NUP210L: variants seen among roughly 807,000 people sequenced by gnomAD.
NUP210L encodes nucleoporin 210 like.
A neutral mutation model predicts 208.5 loss-of-function variants in NUP210L; 74 were observed. The ratio of observed to expected loss-of-function variants is 0.35; its 90% confidence interval spans 0.29 to 0.43. NUP210L has a LOEUF of 0.43. Ranked by LOEUF, NUP210L falls within the 20% of genes least tolerant of loss-of-function variation. The pLI is 1.00. For synonymous variants in NUP210L, 780 were observed against 816.9 expected, an observed-to-expected ratio of 0.95 and a Z score of 0.77; for missense variants, 1,843 against 2,289.4, an observed-to-expected ratio of 0.81 and a Z score of 3.98.
At chr1:154,082,025 G>A (rs1385160047) in intron 16 of NUP210L, among the ~76,000 whole-genome samples, 1 of 152,184 alleles carries the variant, frequency 6.6e-6, no homozygotes, top group East Asian at 1.9e-4. Context: ...GGAATTTCCT[G>A]TTTGGTAAAC....
At chr1:154,061,378 AAATAAT>A (rs537711266) in intron 18 of NUP210L, among the ~76,000 whole-genome samples, 67 of 150,140 alleles carry the variant, frequency 4.5e-4, no homozygotes, top group African/African-American at 1.3e-3. Flanking sequence ...ACTTCATCTC[AAATAAT>A]AATAATAATA....
chr1:154,135,683 A>C, intron 7 of NUP210L, 131 bp downstream of exon 7: 3 of 716,400 alleles, frequency 4.2e-6, no homozygotes, highest in Non-Finnish European at 4.8e-6. Context: ...GGCCTCCCAA[A>C]GTGCTGGAAT....
Position 154,046,054 on chromosome 1 carries a change from C to CAG in NUP210L, c.3696+13_3696+14dup. ...AAGATCCCTAAGATAACACAATAAA[C>CAG]AGGCAAATTCTTACCTCTGAATGCC... On this transcript the variant is annotated intron_variant, in intron 27 of 39. Transcript: ENST00000368559. The CAG allele has an allele frequency of 1.2e-6, 2 of 1,607,732 alleles. No homozygotes were observed. The highest frequency in any genetic ancestry group is 4.5e-5 in the East Asian group (2 of 44,828).
chr1:154,018,461 T>G (rs1039919958), intron 33 of NUP210L, among the ~76,000 whole-genome samples: 12 of 152,156 alleles, frequency 7.9e-5, no homozygotes, highest in African/African-American at 2.9e-4. Flanking sequence ...TCTTCCCCAT[T>G]TCAGTTGACG....
In NUP210L at chr1:154,149,239, C is replaced by T. The variant is rs889923786; in HGVS notation, c.340+3497G>A. ...TAGCTGGAATTACAGGTGCCCATCA[C>T]CACGCCCAGCTAATTTTTGTATTTT... On this transcript the variant is annotated intron_variant, in intron 2 of 39. Coordinates refer to ENST00000368559, the Ensembl canonical transcript of NUP210L. 3.9e-5 allele frequency among the ~76,000 whole-genome samples: 6 copies of T among 152,186 alleles called. No individual in the cohort carries two copies. In the East Asian group the frequency reaches 9.7e-4, roughly 24 times the overall value.
At chr1:154,136,336 C>T (rs1312003728) in intron 6 of NUP210L, among the ~76,000 whole-genome samples, 1 of 152,050 alleles carries the variant, frequency 6.6e-6, no homozygotes, top group African/African-American at 2.4e-5. Context: ...CCTGTAATCC[C>T]AGCTACTCGG....
At chr1:154,024,922 GT>G (rs71096508) in intron 30 of NUP210L, among the ~76,000 whole-genome samples, 42,081 of 84,100 alleles carry the variant, frequency 0.5, 8,965 homozygotes, top group East Asian at 0.73. Context: ...AGGCTGATCT[GT>G]TTTTTTTTTT....
chr1:154,014,016 C>T (rs760527576), intron 33 of NUP210L, among the ~76,000 whole-genome samples: 19 of 152,218 alleles, frequency 1.2e-4, no homozygotes, highest in East Asian at 7.7e-4. Context: ...CCACTGACCT[C>T]GGCCTCTAAA....
Position 154,141,582 on chromosome 1 carries a change from A to T in NUP210L, c.473-58T>A, listed in dbSNP as rs558929981. 80 of 1,036,486 alleles carry T rather than the reference A, an allele frequency of 7.7e-5. No homozygotes were observed. In the South Asian group the frequency reaches 1.0e-3, roughly 13 times the overall value. The allele number at this position is 1,036,486 out of a possible 1,614,324, so 64.2% of individuals were successfully genotyped here. On this transcript the variant is annotated intron_variant, in intron 3 of 39. Transcript: ENST00000368559. Reference sequence around the variant, plus strand: ...ATCACGTATTTAAAAATATTCAGGTATTTACAACAAGAAAGGGAAACCTAA... The same window carrying T: ...ATCACGTATTTAAAAATATTCAGGTTTTTACAACAAGAAAGGGAAACCTAA...
intron 9 of NUP210L, among the ~76,000 whole-genome samples, chr1:154,126,783 A>G (rs1422699237): frequency 2.0e-5 from 3 of 152,114 alleles, no homozygotes; most frequent in East Asian, 3.8e-4. Flanking sequence ...TGAGTACAAT[A>G]CTTCACATCT....
intron 35 of NUP210L, among the ~76,000 whole-genome samples, chr1:154,004,068 G>GT (rs145961082): frequency 0.014 from 1,998 of 141,514 alleles, 68 homozygotes; most frequent in East Asian, 0.036. Flanking sequence ...ATCCTTGCCT[G>GT]TTTTTTGTTT....
chr1:154,152,882 C>G lies in NUP210L; in HGVS notation c.204-10G>C. ...ATGATGGGTGGAATGCCTGCCAGAA[C>G]AAAATTCTTAAGAGTGTGAAATAGG... is the stretch of plus-strand genomic sequence containing the variant. On this transcript the variant is annotated splice_polypyrimidine_tract_variant and intron_variant, in intron 1 of 39. Transcript: ENST00000368559. The G allele has an allele frequency of 6.2e-7, 1 of 1,613,496 alleles. No homozygotes were observed. Among genetic ancestry groups the G allele is most frequent in the Non-Finnish European group, 8.5e-7 (1 of 1,179,560 alleles).
At chr1:154,141,353 G>A in intron 4 of NUP210L, 78 bp downstream of exon 4, 1 of 867,236 alleles carries the variant, frequency 1.2e-6, no homozygotes, top group Non-Finnish European at 2.0e-6. Flanking sequence ...CCACACAAAT[G>A]GTTGCTTGTT....
intron 23 of NUP210L, among the ~76,000 whole-genome samples, chr1:154,055,145 TTCTTTCTTTC>T (rs1252489727): frequency 9.6e-6 from 1 of 104,464 alleles, no homozygotes; most frequent in Non-Finnish European, 1.8e-5. Flanking sequence ...CTTTCTTTCT[TTCTTTCTTTC>T]TTTCTTTCTT....
At chr1:154,047,860 C>G (rs760736551) in intron 25 of NUP210L, among the ~76,000 whole-genome samples, 1 of 152,036 alleles carries the variant, frequency 6.6e-6, no homozygotes, top group African/African-American at 2.4e-5. Context: ...GTAAGTGGTG[C>G]CCATACGTGG....
At chr1:154,078,711 C>T (rs538474523) in intron 16 of NUP210L, among the ~76,000 whole-genome samples, 7 of 152,004 alleles carry the variant, frequency 4.6e-5, no homozygotes, top group East Asian at 1.9e-4. Flanking sequence ...GGGTTTATAT[C>T]GGAGCAAAGG....
chr1:154,066,769 A>C (rs1264402377), intron 17 of NUP210L, among the ~76,000 whole-genome samples: 1 of 152,164 alleles, frequency 6.6e-6, no homozygotes, highest in Non-Finnish European at 1.5e-5. Flanking sequence ...TATCACCACC[A>C]ATCCCACAGA....
chr1:154,001,251 G>A (rs1409897584), intron 36 of NUP210L, among the ~76,000 whole-genome samples, 191 bp from the exon 37 acceptor site: 2 of 152,256 alleles, frequency 1.3e-5, no homozygotes, highest in Non-Finnish European at 2.9e-5. Context: ...AGGCTGGAGT[G>A]CAGTGGCGCG....
At chr1:154,099,961 A>T (rs1656377676) in intron 14 of NUP210L, 37 bp downstream of exon 14, 2 of 1,607,110 alleles carry the variant, frequency 1.2e-6, no homozygotes, top group Non-Finnish European at 1.7e-6. Context: ...TAAGTCCATT[A>T]AAAGAAATGC....
Sources: gnomAD v4.1 joint callset for allele counts (sites outside exome capture counted in the v4.1 genomes callset) on GRCh38, gnomAD v4.1.1 for gene constraint, MANE v1.5 for transcripts, NCBI Gene and HGNC (gene_info 2026-07-23, HGNC 2026-07-21) for gene names.